Variants in RPL7L1 observed in about 807,000 individuals in gnomAD.
RPL7L1 encodes the protein ribosomal protein uL30-like.
In RPL7L1, 20 loss-of-function variants were observed where a neutral mutation model predicts 30.3. The observed-to-expected ratio is 0.66, with a 90% confidence interval of 0.46 to 0.96. The LOEUF (loss-of-function observed/expected upper bound fraction) is 0.96, where lower values mean the gene tolerates loss of function less well. RPL7L1 is among the 40% of genes least tolerant of loss of function. RPL7L1 has a pLI of 0.00. For missense variants in RPL7L1, 271 were observed against 314.9 expected (o/e 0.86, Z 1.05); for synonymous variants, 107 against 110.1 (o/e 0.97, Z 0.18).
intron 4 of RPL7L1, 26 bp from the exon 5 acceptor site, chr6:42,885,948 A>C: frequency 1.5e-6 from 2 of 1,354,358 alleles, no homozygotes; most frequent in Non-Finnish European, 2.1e-6. Context: ...GTGCTGGTGA[A>C]AACCGTGCTT....
rs1217011959 is a variant in RPL7L1 at position 42,888,577 on chromosome 6, T to G, written c.*2113T>G. 3 of 152,220 alleles carry G rather than the reference T, an allele frequency of 2.0e-5. No individual in the cohort carries two copies. Among genetic ancestry groups the G allele is most frequent in the African/African-American group, 7.2e-5 (3 of 41,452 alleles). 9.4% of individuals were successfully genotyped at this position (152,220 alleles called of 1,614,324 possible). A position where few individuals can be genotyped will look rare whatever the true frequency, so the allele number is the denominator to read the frequency against. ...AAGTTTACCAAGATAGATTTTTCCC[T>G]TCATAGTGGCAGATAGTGTTAACCC... On this transcript the variant is annotated 3_prime_UTR_variant, in exon 6 of 6. Coordinates refer to ENST00000493763, the MANE Select transcript of RPL7L1 (RefSeq NM_001366481.3).
In RPL7L1 at chr6:42,885,329, C is replaced by CAA. The variant is rs79094944; in HGVS notation, c.449+593_449+594dup. ...TGTGCCACTGCAATCCACTCTGTCT[C>CAA]AAAAAAAAAAAAAAAGGCCAGACAC... On this transcript the variant is annotated intron_variant, in intron 4 of 5. Transcript: ENST00000493763. 1.3e-3 allele frequency among the ~76,000 whole-genome samples: 166 copies of CAA among 127,504 alleles called. 1 individual carries two copies. Among genetic ancestry groups the CAA allele is most frequent in the African/African-American group, 4.3e-3 (138 of 32,454 alleles). The allele number at this position is 127,504 out of a possible 152,430, so 83.6% of individuals were successfully genotyped here.
rs759190157 is a variant in RPL7L1, at chr6:42,886,055, A to G, written c.531A>G (p.Thr177=). 8 of 1,604,104 alleles carry G rather than the reference A, an allele frequency of 5.0e-6. No homozygotes were observed. The South Asian group carries it at 7.7e-5, about 15-fold the overall frequency. Residue 177 remains threonine, a synonymous_variant, in exon 5 of 6, where the codon ACA becomes ACG. Coordinates refer to ENST00000493763, the MANE Select transcript of RPL7L1 (RefSeq NM_001366481.3). ...AKVKNKTIPL[T]DNTVIEEHLG... ...TCAAGAATAAGACCATCCCTCTGAC[A>G]GACAATACAGTGATTGAGGAGCACC...
Position 42,879,865 on chromosome 6 carries a change from A to G in RPL7L1, c.-46A>G. 6.8e-6 allele frequency: 11 copies of G among 1,606,640 alleles called. No homozygotes were observed. In the South Asian group the frequency reaches 1.2e-4, roughly 18 times the overall value. ...AGCTAGAACAGACGTCTCTATGGTC[A>G]AGTAAACAGAGCGTGTGCTGTCTTC... On this transcript the variant is annotated 5_prime_UTR_variant, in exon 1 of 6. Coordinates refer to ENST00000493763, the MANE Select transcript of RPL7L1 (RefSeq NM_001366481.3).
Position 42,879,909 on chromosome 6 carries a change from G to T in RPL7L1, c.-2G>T, listed in dbSNP as rs752382031. On this transcript the variant is annotated 5_prime_UTR_variant, in exon 1 of 6. Transcript: ENST00000493763. ...TGTCTTCCCCATGTGGTGGGGTTGCGCATGATCAGTAGCTGCACCACTAGA... is the reference window on the plus strand; with the variant it reads ...TGTCTTCCCCATGTGGTGGGGTTGCTCATGATCAGTAGCTGCACCACTAGA... 2.5e-6 allele frequency: 4 copies of T among 1,613,864 alleles called. No homozygotes were observed. Among genetic ancestry groups the T allele is most frequent in the Non-Finnish European group, 3.4e-6 (4 of 1,179,888 alleles).
Position 42,886,536 on chromosome 6 carries a change from G to A in RPL7L1, c.*72G>A, listed in dbSNP as rs2114088253. 1 of 751,864 alleles carries A rather than the reference G, an allele frequency of 1.3e-6. No homozygotes were observed. The highest frequency in any genetic ancestry group is 2.3e-6 in the Non-Finnish European group (1 of 439,546). 46.6% of individuals were successfully genotyped at this position (751,864 alleles called of 1,614,324 possible). A position where few individuals can be genotyped will look rare whatever the true frequency, so the allele number is the denominator to read the frequency against. On this transcript the variant is annotated 3_prime_UTR_variant, in exon 6 of 6. Coordinates refer to ENST00000493763, the MANE Select transcript of RPL7L1 (RefSeq NM_001366481.3). ...TAGGCCATGCCTTGCCACTTTACAA[G>A]TTCTTTTTGCATTTACTAGTATTTA... is the stretch of plus-strand genomic sequence containing the variant.
rs201736304 is a variant in RPL7L1 at position 42,884,778 on chromosome 6, C to T, written c.449+28C>T. On this transcript the variant is annotated intron_variant, in intron 4 of 5. Transcript: ENST00000493763. Reference sequence around the variant, plus strand: ...AAGTAAGGTTTTCCATGTGAATTCACATTAGATTTCTATTTGAGTGTGTCA... The same window carrying T: ...AAGTAAGGTTTTCCATGTGAATTCATATTAGATTTCTATTTGAGTGTGTCA... The T allele has an allele frequency of 5.6e-6, 9 of 1,602,012 alleles. No homozygotes were observed. In the African/African-American group the frequency reaches 9.4e-5, roughly 17 times the overall value.
chr6:42,885,051 C>T (rs1342129774), intron 4 of RPL7L1, among the ~76,000 whole-genome samples: 1 of 152,156 alleles, frequency 6.6e-6, no homozygotes, highest in Non-Finnish European at 1.5e-5. Flanking sequence ...TATTCCTGGC[C>T]GGACACACTG....
rs1766001344 is a variant in RPL7L1 at position 42,879,827 on chromosome 6, G to A, written c.-84G>A. On this transcript the variant is annotated 5_prime_UTR_variant, in exon 1 of 6. Transcript: ENST00000493763. ...ACTGCGGCTAAGTGAACGCTGACTG[G>A]TCCTCCAGCGTGAGCTAGAACAGAC... 1 of 1,436,004 alleles carries A rather than the reference G, an allele frequency of 7.0e-7. No individual in the cohort carries two copies. The highest frequency in any genetic ancestry group is 9.8e-7 in the Non-Finnish European group (1 of 1,020,464). The allele number at this position is 1,436,004 out of a possible 1,614,324, so 89.0% of individuals were successfully genotyped here. A position where few individuals can be genotyped will look rare whatever the true frequency, so the allele number is the denominator to read the frequency against.
chr6:42,879,752 A>G lies in RPL7L1; in HGVS notation c.-159A>G. 1 of 693,864 alleles carries G rather than the reference A, an allele frequency of 1.4e-6. No individual in the cohort carries two copies. The highest frequency in any genetic ancestry group is 2.6e-6 in the Non-Finnish European group (1 of 385,728). 43.0% of individuals were successfully genotyped at this position (693,864 alleles called of 1,614,324 possible). ...AACACAGGCTCTAAAAACCCTAAGA[A>G]GCGGTGCAACTTTTGGCAGGAATCG... On this transcript the variant is annotated 5_prime_UTR_variant, in exon 1 of 6. Transcript: ENST00000493763.
At chr6:42,881,461 T>G (rs939145115) in intron 2 of RPL7L1, 9 of 147,228 alleles carry the variant, frequency 6.1e-5, no homozygotes, top group African/African-American at 2.2e-4. Flanking sequence ...CGAGACACTC[T>G]CTCAAAAAAT....
chr6:42,888,871 C>T lies in RPL7L1; in HGVS notation c.*2407C>T, dbSNP rs1271683131. The T allele has an allele frequency of 6.6e-6, 1 of 152,188 alleles. No homozygotes were observed. Among genetic ancestry groups the T allele is most frequent in the Non-Finnish European group, 1.5e-5 (1 of 68,046 alleles). The allele number at this position is 152,188 out of a possible 1,614,324, so 9.4% of individuals were successfully genotyped here. The stretch of plus-strand genomic sequence containing the variant: ...GTGACATAGACCAATAACAGGGCAT[C>T]TGGGGATTTTAATCCTGAAAACAGT... On this transcript the variant is annotated 3_prime_UTR_variant, in exon 6 of 6. Transcript: ENST00000493763.
At chr6:42,883,228 A>T in intron 2 of RPL7L1, 1 of 387,750 alleles carries the variant, frequency 2.6e-6, no homozygotes, top group Non-Finnish European at 4.6e-6. Context: ...ATGTAAACTA[A>T]TTTTTTGTTC....
At position 42,888,641 on chromosome 6, in the gene RPL7L1, C is replaced by T. The variant is rs923625097; in HGVS notation, c.*2177C>T. ...AACTCAGAAATCCCCACCATTTCTT[C>T]CCCTGGGCTTCAGAATAGAATTGCC... On this transcript the variant is annotated 3_prime_UTR_variant, in exon 6 of 6. Transcript: ENST00000493763. The T allele has an allele frequency of 1.3e-5, 2 of 152,288 alleles. No homozygotes were observed. Among genetic ancestry groups the T allele is most frequent in the African/African-American group, 2.4e-5 (1 of 41,464 alleles). 9.4% of individuals were successfully genotyped at this position (152,288 alleles called of 1,614,324 possible). A position where few individuals can be genotyped will look rare whatever the true frequency, so the allele number is the denominator to read the frequency against.
In RPL7L1 at chr6:42,879,839, G is replaced by A; in HGVS notation, c.-72G>A. On this transcript the variant is annotated 5_prime_UTR_variant, in exon 1 of 6. Transcript: ENST00000493763. ...TGAACGCTGACTGGTCCTCCAGCGT[G>A]AGCTAGAACAGACGTCTCTATGGTC... 1 of 1,526,130 alleles carries A rather than the reference G, an allele frequency of 6.6e-7. No homozygotes were observed. The highest frequency in any genetic ancestry group is 9.1e-7 in the Non-Finnish European group (1 of 1,102,000). The allele number at this position is 1,526,130 out of a possible 1,614,324, so 94.5% of individuals were successfully genotyped here.
At position 42,886,691 on chromosome 6, in the gene RPL7L1, G is replaced by A. The variant is rs1450939084; in HGVS notation, c.*227G>A. The A allele has an allele frequency of 2.4e-5, 12 of 498,134 alleles. No individual in the cohort carries two copies. Among genetic ancestry groups the A allele is most frequent in the East Asian group, 1.1e-4 (3 of 28,070 alleles). 30.9% of individuals were successfully genotyped at this position (498,134 alleles called of 1,614,324 possible). ...TAAGAGTTATAGGCTTAAAGATGTC[G>A]AGTAACTAAAAACTGTATTGCTGGC... is the stretch of plus-strand genomic sequence containing the variant. On this transcript the variant is annotated 3_prime_UTR_variant, in exon 6 of 6. Transcript: ENST00000493763.
chr6:42,880,744 C>T (rs1766040693), intron 1 of RPL7L1, 117 bp from the exon 2 acceptor site: 1 of 570,048 alleles, frequency 1.8e-6, no homozygotes, highest in Non-Finnish European at 3.1e-6. Context: ...AACTCCTGAC[C>T]TCAGGTAATC....
intron 4 of RPL7L1, 101 bp from the exon 5 acceptor site, chr6:42,885,871 AGT>A: frequency 1.5e-6 from 1 of 686,786 alleles, no homozygotes; most frequent in Non-Finnish European, 2.7e-6. Context: ...CGTTGGGAGA[AGT>A]GAGTGTGTGG....
intron 2 of RPL7L1, chr6:42,882,486 A>G (rs138897217): frequency 0.019 from 2,918 of 151,080 alleles, 89 homozygotes; most frequent in African/African-American, 0.066. Context: ...CTAGCTAATC[A>G]GGGGGCTGAG....
Sources: gnomAD v4.1 joint callset for allele counts (sites outside exome capture counted in the v4.1 genomes callset) on GRCh38, gnomAD v4.1.1 for gene constraint, MANE v1.5 for transcripts, NCBI Gene and HGNC (gene_info 2026-07-23, HGNC 2026-07-21) for gene names.